ADAMTSL1: variants seen among roughly 807,000 people sequenced by gnomAD.
The protein encoded by ADAMTSL1 is ADAMTS-like protein 1.
A neutral mutation model predicts 201.8 loss-of-function variants in ADAMTSL1; 126 were observed. The ratio of observed to expected loss-of-function variants is 0.62; its 90% CI spans 0.54 to 0.72. ADAMTSL1 has a LOEUF of 0.72. Ranked by LOEUF, ADAMTSL1 falls within the 30% of genes least tolerant of loss-of-function variation. ADAMTSL1 has a pLI of 0.00. For synonymous variants in ADAMTSL1, 1,121 were observed against 903.4 expected (o/e 1.24, Z -4.32); for missense variants, 2,679 against 2,277.8 (o/e 1.18, Z -3.59).
chr9:18,850,857 C>G (rs1464176875), intron 23 of ADAMTSL1, among the ~76,000 whole-genome samples: 1 of 152,176 alleles, frequency 6.6e-6, no homozygotes. Flanking sequence ...CAGCCAATCT[C>G]AGGTAAATTA....
chr9:18,328,702 A>G (rs531242156), intron 2 of ADAMTSL1, among the ~76,000 whole-genome samples: 1 of 152,350 alleles, frequency 6.6e-6, no homozygotes, highest in African/African-American at 2.4e-5. Flanking sequence ...GTGACACAGT[A>G]TCATTGGCTA....
chr9:18,224,772 T>A (rs1227724341), intron 2 of ADAMTSL1, among the ~76,000 whole-genome samples: 3 of 152,214 alleles, frequency 2.0e-5, no homozygotes, highest in Admixed American at 6.6e-5. Context: ...ACAGGCATGG[T>A]CACAGTACTC....
rs1824267826 is a variant in ADAMTSL1, at chr9:18,096,717, C to G, written c.88-67145C>G. ...GTTTTGACAAATGTATATGTTGTAT[C>G]ATCACCATCCAAATCATGAGTAGAA... On this transcript the variant is annotated intron_variant, in intron 1 of 29. Transcript: ENST00000680146. Among the ~76,000 whole-genome samples the G allele has an allele frequency of 2.6e-5, 4 of 152,112 alleles. No individual in the cohort carries two copies. The South Asian group carries it at 6.2e-4, about 24-fold the overall frequency.
chr9:18,760,093 C>T lies in ADAMTSL1; in HGVS notation c.2217+6585C>T, dbSNP rs148240649. Among the ~76,000 whole-genome samples, 796 of 152,230 alleles carry T rather than the reference C, an allele frequency of 5.2e-3. 7 individuals carry two copies. Among genetic ancestry groups the T allele is most frequent in the South Asian group, 0.024 (116 of 4,812 alleles). ...AGCTTAATACATACCTGCCTGCCACCCCTTCCCCCATTAACCTGGTCTTTC... is the reference window on the plus strand; with the variant it reads ...AGCTTAATACATACCTGCCTGCCACTCCTTCCCCCATTAACCTGGTCTTTC... On this transcript the variant is annotated intron_variant, in intron 16 of 28. Transcript: ENST00000380548.
Position 18,085,974 on chromosome 9 carries a change from T to G in ADAMTSL1, c.88-77888T>G, listed in dbSNP as rs370742619. Reference sequence around the variant, plus strand: ...GAAATGGTCAGATTATAAGATAATATCTTGAAAGTCAAATCGATGAGCACA... The same window carrying G: ...GAAATGGTCAGATTATAAGATAATAGCTTGAAAGTCAAATCGATGAGCACA... On this transcript the variant is annotated intron_variant, in intron 1 of 29. Coordinates refer to the ADAMTSL1 transcript ENST00000680146. 1.1e-4 allele frequency among the ~76,000 whole-genome samples: 16 copies of G among 152,074 alleles called. No homozygotes were observed. In the East Asian group the frequency reaches 3.1e-3, roughly 29 times the overall value.
rs186855621 is a variant in ADAMTSL1, at chr9:18,429,771, A to G, written c.208-75058A>G. Among the ~76,000 whole-genome samples the G allele has an allele frequency of 7.2e-5, 11 of 151,974 alleles. No homozygotes were observed. In the East Asian group the frequency reaches 1.9e-3, roughly 27 times the overall value. ...TTAAATTCTCTATTGACATGATAGT[A>G]ATACGTTTTGATTTTTGTTTTTGTT... On this transcript the variant is annotated intron_variant, in intron 2 of 29. Coordinates refer to the ADAMTSL1 transcript ENST00000680146.
intron 4 of ADAMTSL1, among the ~76,000 whole-genome samples, chr9:18,594,464 T>A (rs1824130038): frequency 6.6e-6 from 1 of 152,182 alleles, no homozygotes; most frequent in African/African-American, 2.4e-5. Flanking sequence ...AACTCAAATA[T>A]TTGCTTTTTG....
chr9:18,701,313 G>A (rs781177214), intron 13 of ADAMTSL1, among the ~76,000 whole-genome samples: 37 of 149,560 alleles, frequency 2.5e-4, no homozygotes, highest in Non-Finnish European at 4.6e-4. Flanking sequence ...TCCACCTCCC[G>A]GGTTCAAGCA....
intron 1 of ADAMTSL1, among the ~76,000 whole-genome samples, chr9:18,067,253 T>C (rs1229236183): frequency 6.6e-6 from 1 of 152,236 alleles, no homozygotes; most frequent in Admixed American, 6.5e-5. Flanking sequence ...GTGCTAACTT[T>C]CTCGTTGTTA....
chr9:18,411,073 A>T (rs985878510), intron 2 of ADAMTSL1, among the ~76,000 whole-genome samples: 8 of 151,266 alleles, frequency 5.3e-5, no homozygotes, highest in Non-Finnish European at 8.8e-5. Flanking sequence ...CATGTTGGCC[A>T]GGATGGTCTT....
intron 2 of ADAMTSL1, among the ~76,000 whole-genome samples, chr9:18,356,558 C>T (rs1198661540): frequency 7.2e-6 from 1 of 138,328 alleles, no homozygotes; most frequent in Non-Finnish European, 1.5e-5. Context: ...AAAAGGCTAT[C>T]ATCTGCAGCC....
chr9:18,564,584 A>G (rs1056406635), intron 3 of ADAMTSL1, among the ~76,000 whole-genome samples: 1 of 152,204 alleles, frequency 6.6e-6, no homozygotes. Flanking sequence ...CCTTTTCACA[A>G]CCTGACTTTC....
At chr9:18,641,988 C>T (rs544276567) in intron 7 of ADAMTSL1, among the ~76,000 whole-genome samples, 10 of 152,062 alleles carry the variant, frequency 6.6e-5, no homozygotes, top group African/African-American at 1.4e-4. Flanking sequence ...CCTTGACAAA[C>T]GTCATTAGAA....
At chr9:18,902,796 A>C (rs2131610399) in intron 26 of ADAMTSL1, among the ~76,000 whole-genome samples, 1 of 152,340 alleles carries the variant, frequency 6.6e-6, no homozygotes, top group Non-Finnish European at 1.5e-5. Context: ...ATTCTTCAAA[A>C]AGACTAACCA....
At chr9:18,019,495 C>T (rs1378360659) in intron 1 of ADAMTSL1, among the ~76,000 whole-genome samples, 1 of 152,092 alleles carries the variant, frequency 6.6e-6, no homozygotes, top group African/African-American at 2.4e-5. Flanking sequence ...TATTCAGTCA[C>T]ACAGAAAGGT....
chr9:18,374,124 A>G (rs1475864415), intron 2 of ADAMTSL1, among the ~76,000 whole-genome samples: 1 of 152,196 alleles, frequency 6.6e-6, no homozygotes, highest in African/African-American at 2.4e-5. Flanking sequence ...CAGCAATTTT[A>G]AAAGCTATCC....
chr9:18,007,071 C>T (rs1416532696), intron 1 of ADAMTSL1, among the ~76,000 whole-genome samples: 2 of 151,954 alleles, frequency 1.3e-5, no homozygotes, highest in Non-Finnish European at 2.9e-5. Context: ...CTAAAGCTAA[C>T]TTTTTGGAGC....
chr9:18,001,734 G>A (rs1819618338), intron 1 of ADAMTSL1, among the ~76,000 whole-genome samples: 1 of 152,036 alleles, frequency 6.6e-6, no homozygotes, highest in South Asian at 2.1e-4. Flanking sequence ...AGGGATTTGA[G>A]GGAGCAGAGG....
intron 2 of ADAMTSL1, among the ~76,000 whole-genome samples, chr9:18,263,893 C>G (rs1260847942): frequency 2.0e-5 from 3 of 152,162 alleles, no homozygotes; most frequent in Non-Finnish European, 2.9e-5. Flanking sequence ...TGATCATGGA[C>G]TTTTAGCTTC....
Sources: gnomAD v4.1 joint callset for allele counts (sites outside exome capture counted in the v4.1 genomes callset) on GRCh38, gnomAD v4.1.1 for gene constraint, MANE v1.5 for transcripts, NCBI Gene and HGNC (gene_info 2026-07-23, HGNC 2026-07-21) for gene names.